ITGAM: variants seen among roughly 807,000 people sequenced by gnomAD.
The protein encoded by ITGAM is integrin subunit alpha M, also known as integrin alpha-M.
Under a neutral mutation model 137.5 loss-of-function variants are expected in ITGAM, and 79 were observed. The observed-to-expected ratio is 0.57, with a 90% CI of 0.48 to 0.69. ITGAM has a LOEUF of 0.69. Ranked by LOEUF, ITGAM falls within the 30% of genes least tolerant of loss-of-function variation. The pLI, the probability that ITGAM is intolerant of heterozygous loss-of-function variation, is 0.00. For synonymous variants in ITGAM, 583 were observed against 592.3 expected (o/e 0.98, Z 0.23); for missense variants, 1,343 against 1,483.5 (o/e 0.91, Z 1.56).
intron 14 of ITGAM, among the ~76,000 whole-genome samples, chr16:31,306,602 C>T (rs2080267251): frequency 6.6e-6 from 1 of 151,844 alleles, no homozygotes; most frequent in African/African-American, 2.4e-5. Flanking sequence ...CAACCTCTGC[C>T]TCCTGGGCAA....
At chr16:31,272,446 TATATATA>T (rs2079855549) in intron 7 of ITGAM, among the ~76,000 whole-genome samples, 1 of 11,974 alleles carries the variant, frequency 8.4e-5, no homozygotes, top group African/African-American at 3.9e-4. Context: ...TATATATATA[TATATATA>T]TATATATATA....
chr16:31,290,968 C>T (rs1409453585), intron 12 of ITGAM, among the ~76,000 whole-genome samples: 3 of 152,052 alleles, frequency 2.0e-5, no homozygotes, highest in Admixed American at 6.6e-5. Context: ...GTACCATTTA[C>T]AATAGCATAA....
chr16:31,272,423 CTA>C (rs1307190696), intron 7 of ITGAM, among the ~76,000 whole-genome samples: 398 of 31,458 alleles, frequency 0.013, 4 homozygotes, highest in East Asian at 0.028. Context: ...GGCCAATTAA[CTA>C]TATATATATA....
chr16:31,273,260 C>T, intron 7 of ITGAM, 105 bp from the exon 8 acceptor site: 1 of 976,538 alleles, frequency 1.0e-6, no homozygotes, highest in South Asian at 1.6e-5. Flanking sequence ...TGTGTCTCTG[C>T]ACTCCAGCCT....
intron 14 of ITGAM, among the ~76,000 whole-genome samples, chr16:31,303,617 T>G (rs903321383): frequency 1.3e-5 from 2 of 152,130 alleles, no homozygotes; most frequent in Non-Finnish European, 2.9e-5. Flanking sequence ...CAGACTCCCC[T>G]TCCCCAAGTC....
chr16:31,324,080 TAGGAAAGGA>T lies in ITGAM; in HGVS notation c.2003-307_2003-299del, dbSNP rs1442972722. Among the ~76,000 whole-genome samples, 1 of 95,638 alleles carries T rather than the reference TAGGAAAGGA, an allele frequency of 1.0e-5. No homozygotes were observed. The highest frequency in any genetic ancestry group is 4.2e-5 in the African/African-American group (1 of 23,628). The allele number at this position is 95,638 out of a possible 152,430, so 62.7% of individuals were successfully genotyped here. ...AGGGAAGGAAGGAAAGGAAGGAAAG[TAGGAAAGGA>T]AGGAAAGGAAGAAAAGGAAGGAAGG... On this transcript the variant is annotated intron_variant, in intron 16 of 29. Coordinates refer to ENST00000544665, the MANE Select transcript of ITGAM (RefSeq NM_000632.4). This position sits in a 1 kb window ranked among gnomAD's most constrained non-coding sequence, Gnocchi z 4.5.
At chr16:31,284,348 G>C (rs373224563) in intron 12 of ITGAM, among the ~76,000 whole-genome samples, 26 of 152,316 alleles carry the variant, frequency 1.7e-4, no homozygotes, top group African/African-American at 6.3e-4. Flanking sequence ...AGGCAGGCAG[G>C]CTTCCTTGAG....
rs2080477337 is a variant in ITGAM at position 31,324,017 on chromosome 16, A to G, written c.2003-382A>G. 6.6e-6 allele frequency among the ~76,000 whole-genome samples: 1 copy of G among 152,066 alleles called. No individual in the cohort carries two copies. The highest frequency in any genetic ancestry group is 2.1e-4 in the South Asian group (1 of 4,828). ...AAGAGAGTGAGATTCTGTCTCAAAA[A>G]AGAAAATAAAAAATAAAAAGAAAGG... On this transcript the variant is annotated intron_variant, in intron 16 of 29. Coordinates refer to ENST00000544665, the MANE Select transcript of ITGAM (RefSeq NM_000632.4). This position sits in a 1 kb window ranked among gnomAD's most constrained non-coding sequence, Gnocchi z 4.5.
At chr16:31,316,908 T>C (rs1311855407) in intron 14 of ITGAM, among the ~76,000 whole-genome samples, 1 of 152,198 alleles carries the variant, frequency 6.6e-6, no homozygotes, top group East Asian at 1.9e-4. Flanking sequence ...TTGTTGTTAG[T>C]GTATAGAAAC....
At chr16:31,266,217 C>T (rs964794839) in intron 5 of ITGAM, 70 bp downstream of exon 5, 19 of 1,085,422 alleles carry the variant, frequency 1.8e-5, no homozygotes, top group African/African-American at 9.3e-5. Context: ...ACTGAGGTGA[C>T]GTCTGCTCAA....
At chr16:31,303,631 A>AGACTCCCCTTCCCC (rs2080237786) in intron 14 of ITGAM, among the ~76,000 whole-genome samples, 2 of 152,110 alleles carry the variant, frequency 1.3e-5, no homozygotes, top group East Asian at 3.9e-4. Flanking sequence ...CCAAGTCCTC[A>AGACTCCCCTTCCCC]AAGTCCGTTA....
chr16:31,293,217 C>T (rs971563130), intron 12 of ITGAM, among the ~76,000 whole-genome samples: 20 of 152,050 alleles, frequency 1.3e-4, no homozygotes, highest in African/African-American at 4.8e-4. Flanking sequence ...TCTGTTCACT[C>T]TGTTGATAGT....
intron 23 of ITGAM, among the ~76,000 whole-genome samples, chr16:31,328,771 C>T (rs377327136): frequency 1.4e-4 from 14 of 99,552 alleles, no homozygotes; most frequent in South Asian, 3.2e-4. Flanking sequence ...CATGCGTGTG[C>T]GCATGGGTGT....
At chr16:31,310,536 T>C (rs1200450192) in intron 14 of ITGAM, among the ~76,000 whole-genome samples, 1 of 152,252 alleles carries the variant, frequency 6.6e-6, no homozygotes, top group Non-Finnish European at 1.5e-5. Context: ...GCCGTGGTTT[T>C]CAGCTCCATC....
Position 31,286,555 on chromosome 16 carries a change from G to A in ITGAM, c.1356+8446G>A, listed in dbSNP as rs566631203. Among the ~76,000 whole-genome samples, 7 of 152,266 alleles carry A rather than the reference G, an allele frequency of 4.6e-5. No homozygotes were observed. The South Asian group carries it at 1.2e-3, about 27-fold the overall frequency. ...ATAGCATTCTGACTGGTGTGAGATG[G>A]TATCTCATTGTGGTTTATGATTTGC... On this transcript the variant is annotated intron_variant, in intron 12 of 29. Coordinates refer to ENST00000544665, the MANE Select transcript of ITGAM (RefSeq NM_000632.4).
intron 14 of ITGAM, among the ~76,000 whole-genome samples, chr16:31,312,920 T>C (rs764382010): frequency 4.0e-5 from 6 of 151,898 alleles, no homozygotes; most frequent in Admixed American, 2.6e-4. Flanking sequence ...TATTTTTTCT[T>C]TTTTAAATTA....
Position 31,321,349 on chromosome 16 carries a change from C to G in ITGAM, c.1816C>G (p.Gln606Glu), listed in dbSNP as rs2080447959. 3.1e-6 allele frequency: 5 copies of G among 1,614,018 alleles called. No homozygotes were observed. Among genetic ancestry groups the G allele is most frequent in the East Asian group, 4.5e-5 (2 of 44,880 alleles). The stretch of plus-strand genomic sequence containing the variant: ...ACTGGTAGACCTGACTGTAGGAGCC[C>G]AGGGGCACGTGCTGCTGCTCAGGTG... Reference protein sequence around the residue: ...DGLVDLTVGAQGHVLLLRSQP... With the variant: ...DGLVDLTVGAEGHVLLLRSQP... The change falls in exon 15 of 30, where the codon CAG becomes GAG. Residue 606 changes from glutamine (Q) to glutamate (E), a missense_variant. Coordinates refer to ENST00000544665, the MANE Select transcript of ITGAM (RefSeq NM_000632.4).
At chr16:31,268,390 G>A (rs1028390770) in intron 5 of ITGAM, among the ~76,000 whole-genome samples, 31 of 151,994 alleles carry the variant, frequency 2.0e-4, no homozygotes, top group Admixed American at 2.0e-4. Flanking sequence ...GAAAGGGTGC[G>A]GTAGCTCACA....
intron 5 of ITGAM, among the ~76,000 whole-genome samples, 177 bp from the exon 6 acceptor site, chr16:31,270,777 C>A (rs12598380): frequency 8.4e-6 from 1 of 119,684 alleles, no homozygotes; most frequent in Non-Finnish European, 1.7e-5. Context: ...TATATATATA[C>A]ACACACGTTA....
Sources: allele counts gnomAD v4.1 joint callset (sites outside exome capture counted in the v4.1 genomes callset), GRCh38; gene constraint gnomAD v4.1.1; non-coding constraint Gnocchi (gnomAD v3.1); transcripts MANE v1.5; gene names NCBI Gene and HGNC (gene_info 2026-07-23, HGNC 2026-07-21).